MIB1: variants seen among roughly 807,000 people sequenced by gnomAD.
MIB1 encodes the protein MIB E3 ubiquitin protein ligase 1.
Under a neutral mutation model 124.5 loss-of-function variants are expected in MIB1, and 278 were observed. The ratio of observed to expected loss-of-function variants is 2.23; its 90% CI spans 2.02 to 2.47. The LOEUF is 2.47. Ranked by LOEUF, MIB1 falls within the 30% of genes most tolerant of loss-of-function variation. The pLI is 0.00. For synonymous variants in MIB1, 446 were observed against 429.4 expected (o/e 1.04, Z -0.48); for missense variants, 957 against 1,254.4 (o/e 0.76, Z 3.58).
At chr18:21,767,808 A>C (rs1404675206) in intron 2 of MIB1, among the ~76,000 whole-genome samples, 1 of 152,116 alleles carries the variant, frequency 6.6e-6, no homozygotes, top group African/African-American at 2.4e-5. Context: ...TGGCCTCCCA[A>C]AGTGCTGGGA....
intron 10 of MIB1, among the ~76,000 whole-genome samples, chr18:21,805,803 A>G (rs973526850): frequency 6.6e-6 from 1 of 150,806 alleles, no homozygotes; most frequent in Non-Finnish European, 1.5e-5. Context: ...GTTTCTAGAG[A>G]TTTTTGTTCA....
intron 20 of MIB1, among the ~76,000 whole-genome samples, chr18:21,861,580 A>G (rs1019613471): frequency 7.2e-5 from 11 of 151,856 alleles, no homozygotes; most frequent in African/African-American, 2.7e-4. Flanking sequence ...TGAAGTATTT[A>G]AACAGTTTTA....
At chr18:21,781,414 T>TATATAA (rs1334794571) in intron 6 of MIB1, among the ~76,000 whole-genome samples, 6 of 99,214 alleles carry the variant, frequency 6.0e-5, no homozygotes, top group Non-Finnish European at 1.0e-4. Flanking sequence ...TATATATATA[T>TATATAA]AAAATTATTA....
intron 1 of MIB1, among the ~76,000 whole-genome samples, chr18:21,743,736 A>C (rs561652385): frequency 6.6e-6 from 1 of 152,148 alleles, no homozygotes; most frequent in South Asian, 2.1e-4. Flanking sequence ...TATTTGGAGG[A>C]ATTCTTGGTA....
intron 1 of MIB1, among the ~76,000 whole-genome samples, chr18:21,720,887 C>T (rs75723322): frequency 3.0e-4 from 45 of 152,122 alleles, no homozygotes; most frequent in African/African-American, 9.9e-4. Flanking sequence ...CACAGGAGTT[C>T]GAGGCTGCAG....
At chr18:21,746,303 G>T (rs540550997) in intron 1 of MIB1, among the ~76,000 whole-genome samples, 3 of 152,268 alleles carry the variant, frequency 2.0e-5, no homozygotes, top group African/African-American at 7.2e-5. Flanking sequence ...TCTGGGAGTT[G>T]TATGCGGGTC....
intron 16 of MIB1, among the ~76,000 whole-genome samples, chr18:21,848,186 G>A (rs758937411): frequency 2.0e-5 from 3 of 152,188 alleles, no homozygotes; most frequent in Non-Finnish European, 2.9e-5. Flanking sequence ...TCGGCCGGGC[G>A]TGGTGGCTCA....
chr18:21,845,505 T>A (rs1228639863), intron 15 of MIB1, among the ~76,000 whole-genome samples: 1 of 152,242 alleles, frequency 6.6e-6, no homozygotes, highest in Non-Finnish European at 1.5e-5. Context: ...CTGTTATGTT[T>A]AGGTCTATGA....
intron 1 of MIB1, among the ~76,000 whole-genome samples, chr18:21,712,671 T>C (rs1364266942): frequency 1.3e-5 from 2 of 152,160 alleles, no homozygotes; most frequent in African/African-American, 2.4e-5. Context: ...TCTTTCCCAG[T>C]CAAATCTCCA....
chr18:21,831,641 G>GC (rs2041983778), intron 12 of MIB1, among the ~76,000 whole-genome samples: 2 of 150,852 alleles, frequency 1.3e-5, no homozygotes, highest in African/African-American at 4.9e-5. Context: ...CATTTGTCCT[G>GC]CCCCCCACTT....
At chr18:21,788,573 A>G (rs2041464932) in intron 6 of MIB1, among the ~76,000 whole-genome samples, 1 of 152,252 alleles carries the variant, frequency 6.6e-6, no homozygotes, top group South Asian at 2.1e-4. Flanking sequence ...AAGAATGTCC[A>G]CTTTATTACT....
chr18:21,849,906 C>G (rs1333924735), intron 17 of MIB1, among the ~76,000 whole-genome samples: 1 of 152,090 alleles, frequency 6.6e-6, no homozygotes, highest in Non-Finnish European at 1.5e-5. Flanking sequence ...GTTTAACTTG[C>G]TATCTTCTGT....
intron 6 of MIB1, among the ~76,000 whole-genome samples, chr18:21,785,651 T>C (rs928292474): frequency 6.6e-6 from 1 of 152,234 alleles, no homozygotes; most frequent in African/African-American, 2.4e-5. Context: ...TGATTACACG[T>C]AATTGTAGTA....
intron 1 of MIB1, among the ~76,000 whole-genome samples, chr18:21,754,667 T>G (rs1010846660): frequency 6.6e-6 from 1 of 151,918 alleles, no homozygotes; most frequent in Non-Finnish European, 1.5e-5. Flanking sequence ...AATCCTATGC[T>G]GAGGATTCTG....
chr18:21,864,412 A>G lies in MIB1; in HGVS notation c.2881-114A>G, dbSNP rs567703294. 5 of 851,752 alleles carry G rather than the reference A, an allele frequency of 5.9e-6. No homozygotes were observed. The African/African-American group carries it at 8.5e-5, about 14-fold the overall frequency. The allele number at this position is 851,752 out of a possible 1,614,324, so 52.8% of individuals were successfully genotyped here. ...AAATGTTAAAAAATTGTTTTTAAAAACCACCAAAATATTATTTGACTAAAA... is the reference window on the plus strand; with the variant it reads ...AAATGTTAAAAAATTGTTTTTAAAAGCCACCAAAATATTATTTGACTAAAA... On this transcript the variant is annotated intron_variant, in intron 20 of 20. Coordinates refer to ENST00000261537, the MANE Select transcript of MIB1 (RefSeq NM_020774.4).
In MIB1 at chr18:21,843,177, T is replaced by C; in HGVS notation, c.2009T>C (p.Leu670Pro). The C allele has an allele frequency of 6.2e-7, 1 of 1,603,230 alleles. No homozygotes were observed. The highest frequency in any genetic ancestry group is 8.5e-7 in the Non-Finnish European group (1 of 1,175,954). ...DIQNVNQQTALHLAVERQHTQ... is the reference protein window; with the variant it reads ...DIQNVNQQTAPHLAVERQHTQ... ...CAGAATGTGAACCAACAAACTGCCC[T>C]ACACCTTGCTGTTGAACGACAGCAT... The change falls in exon 14 of 21, where the codon CTA becomes CCA. Residue 670 changes from leucine to proline, a missense_variant. Physicochemically the swap from Leu to Pro is moderately conservative, Grantham distance 98. Coordinates refer to ENST00000261537, the MANE Select transcript of MIB1 (RefSeq NM_020774.4).
chr18:21,752,828 T>C (rs2040990472), intron 1 of MIB1, among the ~76,000 whole-genome samples: 1 of 152,212 alleles, frequency 6.6e-6, no homozygotes, highest in African/African-American at 2.4e-5. Context: ...TACAAAGATA[T>C]GTATGAAGAA....
chr18:21,765,865 T>A lies in MIB1; in HGVS notation c.323T>A (p.Leu108Ter), dbSNP rs2041152067. 1 of 1,614,178 alleles carries A rather than the reference T, an allele frequency of 6.2e-7. No individual in the cohort carries two copies. The highest frequency in any genetic ancestry group is 8.5e-7 in the Non-Finnish European group (1 of 1,179,988). The change falls in exon 2 of 21, where the codon TTG becomes TAG. Residue 108 changes from leucine (L) to a stop codon, truncating the protein, a stop_gained. Coordinates refer to ENST00000261537, the MANE Select transcript of MIB1 (RefSeq NM_020774.4). LOFTEE classifies it high-confidence loss of function. ...TGTGCAGAGTGTACAAATTATGATT[T>A]GTGCACAGTGTGTTATCATGGAGAT... ...WKCAECTNYD[L>*]CTVCYHGDKH...
At position 21,861,003 on chromosome 18, in the gene MIB1, C is replaced by T. The variant is rs985570173; in HGVS notation, c.2880+2357C>T. 4.6e-5 allele frequency among the ~76,000 whole-genome samples: 7 copies of T among 152,310 alleles called. No homozygotes were observed. The East Asian group carries it at 1.3e-3, about 29-fold the overall frequency. ...GAAATGAGCTATGACAGCGCCACTACACTCCATCCCAGACGGCAGAGTGAG... is the reference window on the plus strand; with the variant it reads ...GAAATGAGCTATGACAGCGCCACTATACTCCATCCCAGACGGCAGAGTGAG... On this transcript the variant is annotated intron_variant, in intron 20 of 20. Transcript: ENST00000261537.
Sources: allele counts gnomAD v4.1 joint callset (sites outside exome capture counted in the v4.1 genomes callset), GRCh38; gene constraint gnomAD v4.1.1; transcripts MANE v1.5; gene names NCBI Gene and HGNC (gene_info 2026-07-23, HGNC 2026-07-21).